The following CLEC4A variants were observed in gnomAD, a reference collection of about 807,000 sequenced individuals.
CLEC4A encodes C-type (calcium dependent, carbohydrate-recognition domain) lectin, superfamily member 6.
In CLEC4A, 27 loss-of-function variants were observed where a neutral mutation model predicts 32.7. The observed-to-expected ratio is 0.83, with a 90% confidence interval of 0.61 to 1.14. The LOEUF is 1.14. CLEC4A is among the 50% of genes most tolerant of loss of function. CLEC4A has a pLI of 0.00. For synonymous variants in CLEC4A, 89 were observed against 93.7 expected (o/e 0.95, Z 0.29); for missense variants, 253 against 274.6 (o/e 0.92, Z 0.55).
Position 8,129,248 on chromosome 12 carries a change from T to G in CLEC4A, c.200-16T>G, listed in dbSNP as rs1947952083. The G allele has an allele frequency of 6.7e-7, 1 of 1,484,846 alleles. No individual in the cohort carries two copies. Among genetic ancestry groups the G allele is most frequent in the Non-Finnish European group, 9.3e-7 (1 of 1,074,206 alleles). 92.0% of individuals were successfully genotyped at this position (1,484,846 alleles called of 1,614,324 possible). ...ATGCTACCAGGAAAATAAATGGTCT[T>G]TATTCTCTTTTCCAGTTTTCTTTCA... On this transcript the variant is annotated splice_polypyrimidine_tract_variant and intron_variant, in intron 2 of 5. Coordinates refer to ENST00000229332, the MANE Select transcript of CLEC4A (RefSeq NM_016184.4).
At chr12:8,134,643 C>G in intron 3 of CLEC4A, 1 of 1,606,344 alleles carries the variant, frequency 6.2e-7, no homozygotes, top group Non-Finnish European at 8.5e-7. Flanking sequence ...CATCCCCCCG[C>G]AGAACTCATA....
At position 8,135,028 on chromosome 12, in the gene CLEC4A, A is replaced by T. The variant is rs1354037942; in HGVS notation, c.299-557A>T. Among the ~76,000 whole-genome samples, 68 of 17,516 alleles carry T rather than the reference A, an allele frequency of 3.9e-3. 1 individual carries two copies. The highest frequency in any genetic ancestry group is 6.7e-3 in the Non-Finnish European group (48 of 7,214). The allele number at this position is 17,516 out of a possible 152,430, so 11.5% of individuals were successfully genotyped here. On this transcript the variant is annotated intron_variant, in intron 3 of 5. Coordinates refer to ENST00000229332, the MANE Select transcript of CLEC4A (RefSeq NM_016184.4). ...GCTGCTTTTAAATCTTTGTCAGATA[A>T]TTCTAACAATTTTATTATCTTTTTT... is the stretch of plus-strand genomic sequence containing the variant.
At chr12:8,115,481 T>C in the CLEC4A span, among the ~76,000 whole-genome samples, 2 of 152,192 alleles carry the variant, frequency 1.3e-5, no homozygotes, top group African/African-American at 2.4e-5. Flanking sequence ...AGGACTTCAA[T>C]GGCATGAGGC....
chr12:8,135,368 A>G (rs974393281), intron 3 of CLEC4A, among the ~76,000 whole-genome samples: 2 of 152,042 alleles, frequency 1.3e-5, no homozygotes, highest in African/African-American at 4.8e-5. Flanking sequence ...TTCAGATGGC[A>G]CTTCAGCAGG....
chr12:8,122,499 G>A (rs1004953046), upstream of CLEC4A, among the ~76,000 whole-genome samples: 4 of 151,734 alleles, frequency 2.6e-5, no homozygotes, highest in Non-Finnish European at 4.4e-5. Flanking sequence ...GCCCTTTGCC[G>A]GCACTCTCAG....
intron 3 of CLEC4A, chr12:8,134,906 TA>T: frequency 2.1e-6 from 3 of 1,426,336 alleles, no homozygotes; most frequent in Non-Finnish European, 2.8e-6. Flanking sequence ...TTATATCTTC[TA>T]GTTCTTTGCT....
At chr12:8,118,433 G>A in the CLEC4A span, among the ~76,000 whole-genome samples, 11 of 151,070 alleles carry the variant, frequency 7.3e-5, no homozygotes, top group Non-Finnish European at 1.3e-4. Context: ...AATTCATAAA[G>A]AAAAAGAGCT....
chr12:8,103,638 G>A, the CLEC4A span, among the ~76,000 whole-genome samples: 1 of 152,016 alleles, frequency 6.6e-6, no homozygotes, highest in Non-Finnish European at 1.5e-5. Flanking sequence ...CTCTGCCTTG[G>A]CGTCCCCAGT....
the CLEC4A span, among the ~76,000 whole-genome samples, chr12:8,114,820 C>T: frequency 6.6e-5 from 10 of 152,286 alleles, no homozygotes; most frequent in African/African-American, 2.4e-4. Flanking sequence ...ATTTTCTACT[C>T]CAGTTAGATG....
upstream of CLEC4A, among the ~76,000 whole-genome samples, chr12:8,123,251 A>G (rs1302231063): frequency 1.3e-5 from 2 of 152,216 alleles, no homozygotes; most frequent in East Asian, 3.8e-4. Context: ...ACAAGGAAAC[A>G]CAGAGAGCAT....
chr12:8,112,002 C>T, the CLEC4A span, among the ~76,000 whole-genome samples: 1 of 150,460 alleles, frequency 6.6e-6, no homozygotes, highest in Non-Finnish European at 1.5e-5. Flanking sequence ...GAGCTTTGCT[C>T]TTGTTGCCCA....
intron 3 of CLEC4A, chr12:8,134,520 G>T: frequency 4.3e-6 from 7 of 1,613,832 alleles, no homozygotes; most frequent in Non-Finnish European, 5.1e-6. Context: ...GGGCTCCGGG[G>T]AGGCCCCATC....
chr12:8,103,137 C>A, the CLEC4A span, among the ~76,000 whole-genome samples: 1 of 152,086 alleles, frequency 6.6e-6, no homozygotes, highest in Admixed American at 6.6e-5. Context: ...ACCTCCTAGG[C>A]AGTCTGCTTG....
intron 2 of CLEC4A, among the ~76,000 whole-genome samples, chr12:8,127,960 T>TC (rs1947930292): frequency 6.6e-6 from 1 of 152,202 alleles, no homozygotes; most frequent in Non-Finnish European, 1.5e-5. Flanking sequence ...AATGGATGTG[T>TC]CTACTGGGAG....
intron 3 of CLEC4A, chr12:8,133,813 A>G (rs1591610646): frequency 6.3e-7 from 1 of 1,586,184 alleles, no homozygotes; most frequent in Non-Finnish European, 8.6e-7. Flanking sequence ...TGACGGAGAC[A>G]GGGGGAAAGG....
chr12:8,136,826 T>C lies in CLEC4A; in HGVS notation c.489T>C (p.Tyr163=). 6.2e-7 allele frequency: 1 copy of C among 1,613,378 alleles called. No homozygotes were observed. ...AGAATCTGCAAGAAGAATCTGCTTA[T>C]TTTGTGGGGCTCTCAGATCCAGAAG... ...IFQNLQEESA[Y]FVGLSDPEGQ... Residue 163 remains tyrosine (Y), a synonymous_variant, in exon 5 of 6, where the codon TAT becomes TAC. Coordinates refer to ENST00000229332, the MANE Select transcript of CLEC4A (RefSeq NM_016184.4).
chr12:8,126,332 G>A (rs1433462347), intron 2 of CLEC4A, among the ~76,000 whole-genome samples: 1 of 150,850 alleles, frequency 6.6e-6, no homozygotes, highest in Non-Finnish European at 1.5e-5. Flanking sequence ...AGCCTCCCAA[G>A]TAGCTGGGAT....
At chr12:8,112,940 A>G in the CLEC4A span, among the ~76,000 whole-genome samples, 2 of 152,140 alleles carry the variant, frequency 1.3e-5, no homozygotes, top group Non-Finnish European at 2.9e-5. Flanking sequence ...TAATACAGTT[A>G]ATAACCATAT....
intron 2 of CLEC4A, 146 bp downstream of exon 2, chr12:8,125,823 T>C (rs1417544978): frequency 1.6e-6 from 1 of 622,250 alleles, no homozygotes; most frequent in Non-Finnish European, 2.9e-6. Context: ...GAATCCACTG[T>C]GAATTTTGCT....
Sources: allele counts gnomAD v4.1 joint callset (sites outside exome capture counted in the v4.1 genomes callset), GRCh38; gene constraint gnomAD v4.1.1; transcripts MANE v1.5; gene names NCBI Gene and HGNC (gene_info 2026-07-23, HGNC 2026-07-21).